Variants in SH3RF3 observed in about 807,000 individuals in gnomAD.
SH3RF3 encodes the protein SH3 domain containing ring finger 3, also known as E3 ubiquitin-protein ligase SH3RF3.
A neutral mutation model predicts 66.3 loss-of-function variants in SH3RF3; 29 were observed. The observed-to-expected ratio is 0.44, with a 90% CI of 0.33 to 0.60. SH3RF3 has a LOEUF of 0.60. Among genes scored for constraint, SH3RF3 ranks in the 20% least tolerant of loss-of-function variants. The pLI is 0.04. For missense variants in SH3RF3, 1,194 were observed against 1,190.9 expected (o/e 1.00, Z -0.04); for synonymous variants, 583 against 532.0 (o/e 1.10, Z -1.32).
chr2:109,413,500 C>T (rs1244428988), intron 4 of SH3RF3, among the ~76,000 whole-genome samples: 1 of 152,184 alleles, frequency 6.6e-6, no homozygotes, highest in Non-Finnish European at 1.5e-5. Context: ...CTGTCTGTCT[C>T]TTTCTATCTC....
chr2:109,497,315 G>A (rs1292446525), intron 9 of SH3RF3, among the ~76,000 whole-genome samples: 1 of 152,260 alleles, frequency 6.6e-6, no homozygotes, highest in East Asian at 1.9e-4. Context: ...TGGAGCAAGT[G>A]CTCTGAAAAG....
chr2:109,473,963 T>A (rs1381503821), intron 8 of SH3RF3, among the ~76,000 whole-genome samples: 3 of 152,212 alleles, frequency 2.0e-5, no homozygotes, highest in African/African-American at 7.2e-5. Context: ...AAAGTCTTTA[T>A]AGACTCTGTC....
At chr2:109,145,116 G>A (rs1217536797) in intron 1 of SH3RF3, among the ~76,000 whole-genome samples, 2 of 152,176 alleles carry the variant, frequency 1.3e-5, no homozygotes, top group African/African-American at 2.4e-5. Context: ...TTCCCTCACC[G>A]GCTCTGTCTG....
chr2:109,433,457 C>T (rs1677306028), intron 6 of SH3RF3, among the ~76,000 whole-genome samples: 1 of 152,230 alleles, frequency 6.6e-6, no homozygotes, highest in Admixed American at 6.5e-5. Context: ...TGAGGATCCA[C>T]AGCTTGGTGA....
At chr2:109,170,236 TCTTTTCTTTTCTCTTCTCTTCTC>T (rs1207541357) in intron 1 of SH3RF3, among the ~76,000 whole-genome samples, 22 of 38,788 alleles carry the variant, frequency 5.7e-4, no homozygotes, top group Non-Finnish European at 8.3e-4. Context: ...TCTCTTCTCT[TCTTTTCTTTTCTCTTCTCTTCTC>T]TTCTCTTCTC....
In SH3RF3 at chr2:109,504,586, C is replaced by T. The variant is rs2104426263; in HGVS notation, c.*2915C>T. ...TGGAAGACTTGTCAGTGATGACAAA[C>T]CATGATGCCTGTGTTTCTGAGTCTT... On this transcript the variant is annotated 3_prime_UTR_variant, in exon 10 of 10. Coordinates refer to ENST00000309415, the MANE Select transcript of SH3RF3 (RefSeq NM_001099289.3). The T allele has an allele frequency of 6.6e-6, 1 of 152,366 alleles. No individual in the cohort carries two copies. Among genetic ancestry groups the T allele is most frequent in the African/African-American group, 2.4e-5 (1 of 41,586 alleles). The allele number at this position is 152,366 out of a possible 1,614,324, so 9.4% of individuals were successfully genotyped here. A position where few individuals can be genotyped will look rare whatever the true frequency, so the allele number is the denominator to read the frequency against.
chr2:109,225,625 T>C (rs2105165143), intron 1 of SH3RF3, among the ~76,000 whole-genome samples: 1 of 152,384 alleles, frequency 6.6e-6, no homozygotes, highest in South Asian at 2.1e-4. Flanking sequence ...CTTAAGTCAC[T>C]TTCATGTTTG....
At chr2:109,224,394 A>G (rs1453891167) in intron 1 of SH3RF3, among the ~76,000 whole-genome samples, 1 of 152,222 alleles carries the variant, frequency 6.6e-6, no homozygotes, top group Non-Finnish European at 1.5e-5. Context: ...CCAAGATTAA[A>G]TCTGCATTTT....
chr2:109,368,353 C>G (rs1425571140), intron 2 of SH3RF3, among the ~76,000 whole-genome samples: 2 of 152,146 alleles, frequency 1.3e-5, no homozygotes, highest in African/African-American at 2.4e-5. Flanking sequence ...GATTAAACAT[C>G]TATTCATATT....
At chr2:109,176,831 G>A (rs762525048) in intron 1 of SH3RF3, among the ~76,000 whole-genome samples, 1 of 152,224 alleles carries the variant, frequency 6.6e-6, no homozygotes, top group Non-Finnish European at 1.5e-5. Context: ...ATGTGACACG[G>A]CATTGTTGAA....
intron 1 of SH3RF3, among the ~76,000 whole-genome samples, chr2:109,217,665 C>G (rs952609637): frequency 2.6e-5 from 4 of 152,254 alleles, no homozygotes; most frequent in Non-Finnish European, 5.9e-5. Context: ...TGAGGAAGCT[C>G]TCTCACCGGC....
chr2:109,228,295 T>C (rs1679420203), intron 1 of SH3RF3, among the ~76,000 whole-genome samples: 1 of 152,232 alleles, frequency 6.6e-6, no homozygotes, highest in Admixed American at 6.5e-5. Context: ...GTCTCATTAA[T>C]GAGCAGGTGC....
At chr2:109,146,030 G>A (rs563084916) in intron 1 of SH3RF3, among the ~76,000 whole-genome samples, 2 of 151,614 alleles carry the variant, frequency 1.3e-5, no homozygotes, top group African/African-American at 2.4e-5. Context: ...TATGTGGGCC[G>A]ACGGAGTCCA....
intron 1 of SH3RF3, among the ~76,000 whole-genome samples, chr2:109,337,969 T>C (rs534616217): frequency 6.6e-6 from 1 of 152,194 alleles, no homozygotes; most frequent in Non-Finnish European, 1.5e-5. Flanking sequence ...TGAGTTCAAG[T>C]GATCTGCCTG....
intron 9 of SH3RF3, 133 bp from the exon 10 acceptor site, chr2:109,501,364 AATAAAG>A: frequency 2.0e-6 from 1 of 507,786 alleles, no homozygotes; most frequent in East Asian, 2.9e-5. Context: ...AAAAATTAAA[AATAAAG>A]ATAAATAGAA....
intron 1 of SH3RF3, among the ~76,000 whole-genome samples, chr2:109,212,715 A>G (rs1679017249): frequency 6.6e-6 from 1 of 152,226 alleles, no homozygotes; most frequent in Non-Finnish European, 1.5e-5. Context: ...TTGTTGTATA[A>G]TAAAGACCCA....
At chr2:109,143,662 G>C (rs1394045769) in intron 1 of SH3RF3, among the ~76,000 whole-genome samples, 1 of 152,148 alleles carries the variant, frequency 6.6e-6, no homozygotes, top group Admixed American at 6.5e-5. Flanking sequence ...GCTGAGGTAG[G>C]AGGATTTCTT....
At chr2:109,161,712 G>T (rs1677494337) in intron 1 of SH3RF3, among the ~76,000 whole-genome samples, 1 of 151,920 alleles carries the variant, frequency 6.6e-6, no homozygotes, top group South Asian at 2.1e-4. Flanking sequence ...GAAGCCGGGA[G>T]CAGGACATGC....
chr2:109,391,762 C>A (rs1053059323), intron 3 of SH3RF3, among the ~76,000 whole-genome samples: 1 of 152,174 alleles, frequency 6.6e-6, no homozygotes, highest in South Asian at 2.1e-4. Flanking sequence ...CCCTTGGTAA[C>A]TATAGCTGGC....
Sources: allele counts gnomAD v4.1 joint callset (sites outside exome capture counted in the v4.1 genomes callset), GRCh38; gene constraint gnomAD v4.1.1; transcripts MANE v1.5; gene names NCBI Gene and HGNC (gene_info 2026-07-23, HGNC 2026-07-21).